Variants in TMEM266 observed in about 807,000 individuals in gnomAD.
TMEM266 encodes the protein Hv1 related protein 1.
Under a neutral mutation model 50.5 loss-of-function variants are expected in TMEM266, and 33 were observed. The observed-to-expected ratio is 0.65, with a 90% CI of 0.50 to 0.87. The LOEUF (loss-of-function observed/expected upper bound fraction) is 0.87. Ranked by LOEUF, TMEM266 falls within the 40% of genes least tolerant of loss-of-function variation. The pLI is 0.00. For missense variants in TMEM266, 655 were observed against 695.1 expected (o/e 0.94, Z 0.65); for synonymous variants, 310 against 292.3 (o/e 1.06, Z -0.62).
At chr15:76,106,453 T>C (rs984032253) in intron 1 of TMEM266, among the ~76,000 whole-genome samples, 2 of 152,210 alleles carry the variant, frequency 1.3e-5, no homozygotes, top group Non-Finnish European at 2.9e-5. Context: ...TTTTGGTTTT[T>C]TTAGAGACAC....
Position 76,160,639 on chromosome 15 carries a change from A to G in TMEM266, c.456+471A>G, listed in dbSNP as rs548921274. Among the ~76,000 whole-genome samples the G allele has an allele frequency of 9.2e-4, 140 of 152,298 alleles. No homozygotes were observed. The highest frequency in any genetic ancestry group is 3.0e-3 in the African/African-American group (126 of 41,568). On this transcript the variant is annotated intron_variant, in intron 5 of 10. Transcript: ENST00000388942. This position sits in a 1 kb window ranked among gnomAD's most constrained non-coding sequence, Gnocchi z 5.7. ...GCAGTGGGTGGGGGAACGGGGTCAC[A>G]GGGCCAGGCAGTGGACCTGACCTGG...
At chr15:76,171,402 G>C (rs553907418) in intron 7 of TMEM266, among the ~76,000 whole-genome samples, 3 of 152,322 alleles carry the variant, frequency 2.0e-5, no homozygotes, top group East Asian at 3.9e-4. Context: ...GTGAGCCTGG[G>C]GGGGCCAGCC....
chr15:76,156,969 C>T (rs1249515615), intron 4 of TMEM266, among the ~76,000 whole-genome samples: 1 of 152,112 alleles, frequency 6.6e-6, no homozygotes, highest in Non-Finnish European at 1.5e-5. Flanking sequence ...CTCAGTTTGC[C>T]CCTCTCTGCC....
intron 1 of TMEM266, among the ~76,000 whole-genome samples, chr15:76,093,153 A>G (rs547511999): frequency 1.6e-4 from 24 of 151,378 alleles, no homozygotes; most frequent in Admixed American, 1.3e-3. Flanking sequence ...TTTTATTATT[A>G]TACTTTAAGT....
At chr15:76,123,108 G>C (rs74475096) in intron 1 of TMEM266, among the ~76,000 whole-genome samples, 7,939 of 152,304 alleles carry the variant, frequency 0.052, 273 homozygotes, top group Non-Finnish European at 0.075. Context: ...GGCTCACCTA[G>C]AGATGAAAGC....
At chr15:76,126,348 T>C (rs2037422382) in intron 1 of TMEM266, among the ~76,000 whole-genome samples, 1 of 143,624 alleles carries the variant, frequency 7.0e-6, no homozygotes, top group Non-Finnish European at 1.5e-5. Context: ...AATATGTGTG[T>C]GTACACACAC....
chr15:76,068,303 C>T (rs990406886), intron 1 of TMEM266, among the ~76,000 whole-genome samples: 1 of 152,184 alleles, frequency 6.6e-6, no homozygotes, highest in Non-Finnish European at 1.5e-5. Context: ...CAGATGATCT[C>T]CAAAATGTTC....
intron 1 of TMEM266, among the ~76,000 whole-genome samples, chr15:76,125,673 C>A (rs1432050329): frequency 1.3e-5 from 2 of 152,018 alleles, no homozygotes; most frequent in African/African-American, 4.8e-5. Context: ...CATGGCGAAA[C>A]CCCATCTCTA....
chr15:76,153,432 G>A lies in TMEM266; in HGVS notation c.228-3172G>A, dbSNP rs1281891701. ...CCAGCCCAGGCAGATGGCCCTGGCAGCTGCCCTTTTTATTCATAACCGCCT... is the reference window on the plus strand; with the variant it reads ...CCAGCCCAGGCAGATGGCCCTGGCAACTGCCCTTTTTATTCATAACCGCCT... On this transcript the variant is annotated intron_variant, in intron 3 of 10. Coordinates refer to ENST00000388942, the MANE Select transcript of TMEM266 (RefSeq NM_152335.3). This position sits in a 1 kb window ranked among gnomAD's most constrained non-coding sequence, Gnocchi z 4.2. 1.3e-5 allele frequency among the ~76,000 whole-genome samples: 2 copies of A among 152,210 alleles called. No individual in the cohort carries two copies. Among genetic ancestry groups the A allele is most frequent in the African/African-American group, 4.8e-5 (2 of 41,450 alleles).
intron 1 of TMEM266, among the ~76,000 whole-genome samples, chr15:76,080,314 A>G (rs1235405507): frequency 0.022 from 1 of 46 alleles, no homozygotes; most frequent in Non-Finnish European, 0.083. Context: ...ATGCAGTGGC[A>G]CGATCTTGGC....
chr15:76,080,491 C>T (rs550397318), intron 1 of TMEM266, among the ~76,000 whole-genome samples: 16 of 151,272 alleles, frequency 1.1e-4, no homozygotes, highest in African/African-American at 2.4e-4. Context: ...CCTTGTGATC[C>T]GCCCGCCTTA....
At chr15:76,104,867 A>C (rs1197408395) in intron 1 of TMEM266, among the ~76,000 whole-genome samples, 1 of 152,012 alleles carries the variant, frequency 6.6e-6, no homozygotes, top group Non-Finnish European at 1.5e-5. Context: ...TTCCTGTCAG[A>C]GCCAGCTTCC....
intron 9 of TMEM266, among the ~76,000 whole-genome samples, chr15:76,194,462 T>C (rs879589173): frequency 2.6e-5 from 4 of 152,352 alleles, no homozygotes; most frequent in African/African-American, 9.6e-5. Flanking sequence ...GTTCCCTGTG[T>C]CCCTCAGGAG....
Position 76,156,629 on chromosome 15 carries a change from G to T in TMEM266, c.253G>T (p.Gly85Trp), listed in dbSNP as rs750274766. 199 of 1,614,156 alleles carry T rather than the reference G, an allele frequency of 1.2e-4. 1 individual carries two copies. The Admixed American group carries it at 1.6e-3, about 13-fold the overall frequency. ...GTCTAACTGGCTGAAGCCGTGCTGT[G>T]GGAAGAGAGCAGCCGTGTGGCAGGT... Residue 85 changes from glycine (G) to tryptophan (W), a missense_variant, in exon 4 of 11, where the codon GGG becomes TGG. Physicochemically the swap from Gly to Trp is radical, Grantham distance 184. Transcript: ENST00000388942.
rs980105068 is a variant in TMEM266 at position 76,153,379 on chromosome 15, G to A, written c.228-3225G>A. 3.2e-4 allele frequency among the ~76,000 whole-genome samples: 49 copies of A among 152,330 alleles called. No homozygotes were observed. Among genetic ancestry groups the A allele is most frequent in the African/African-American group, 1.1e-3 (44 of 41,580 alleles). ...TGAACAAATGCCCGGCACCTTCCGT[G>A]GAACGTGAAGACGAGGCTTCCTGCT... On this transcript the variant is annotated intron_variant, in intron 3 of 10. Transcript: ENST00000388942. The surrounding 1 kb of genome is among the most constrained non-coding windows in gnomAD (Gnocchi z 4.2).
Position 76,153,392 on chromosome 15 carries a change from G to A in TMEM266, c.228-3212G>A, listed in dbSNP as rs2037873421. On this transcript the variant is annotated intron_variant, in intron 3 of 10. Transcript: ENST00000388942. This position sits in a 1 kb window ranked among gnomAD's most constrained non-coding sequence, Gnocchi z 4.2. ...GGCACCTTCCGTGGAACGTGAAGAC[G>A]AGGCTTCCTGCTGGCCAGCCCAGGC... Among the ~76,000 whole-genome samples the A allele has an allele frequency of 1.3e-5, 2 of 152,120 alleles. No homozygotes were observed. The highest frequency in any genetic ancestry group is 2.9e-5 in the Non-Finnish European group (2 of 68,040).
chr15:76,166,038 C>T (rs1408180024), intron 5 of TMEM266, among the ~76,000 whole-genome samples: 2 of 152,150 alleles, frequency 1.3e-5, no homozygotes, highest in Admixed American at 6.5e-5. Context: ...TCACGTAAAC[C>T]CCCCGATGCT....
At chr15:76,129,262 C>CA (rs1195112078) in intron 1 of TMEM266, among the ~76,000 whole-genome samples, 1 of 152,064 alleles carries the variant, frequency 6.6e-6, no homozygotes, top group South Asian at 2.1e-4. Context: ...TGAAATCTTG[C>CA]AAAAAAATTG....
chr15:76,099,734 A>C lies in TMEM266; in HGVS notation c.-96-34434A>C, dbSNP rs190063401. On this transcript the variant is annotated intron_variant, in intron 1 of 10. Transcript: ENST00000388942. ...AGGCAGGGAGACGTATTTGATTGCCAACAGCCTGGGTTAGTCCATTTTCAC... is the reference window on the plus strand; with the variant it reads ...AGGCAGGGAGACGTATTTGATTGCCCACAGCCTGGGTTAGTCCATTTTCAC... 5.3e-5 allele frequency among the ~76,000 whole-genome samples: 8 copies of C among 152,292 alleles called. No individual in the cohort carries two copies. In the East Asian group the frequency reaches 1.5e-3, roughly 29 times the overall value.
Sources: allele counts gnomAD v4.1 joint callset (sites outside exome capture counted in the v4.1 genomes callset), GRCh38; gene constraint gnomAD v4.1.1; non-coding constraint Gnocchi (gnomAD v3.1); transcripts MANE v1.5; gene names NCBI Gene and HGNC (gene_info 2026-07-23, HGNC 2026-07-21).